FAM78B: variants seen among roughly 807,000 people sequenced by gnomAD.
FAM78B encodes the protein protein FAM78B.
In FAM78B, 10 loss-of-function variants were observed where a neutral mutation model predicts 20.0. That is an observed-to-expected ratio of 0.50 (90% CI 0.31 to 0.85). The LOEUF (loss-of-function observed/expected upper bound fraction) is 0.85, where lower values mean the gene tolerates loss of function less well. Among genes scored for constraint, FAM78B ranks in the 40% least tolerant of loss-of-function variants. The pLI is 0.05. For synonymous variants in FAM78B, 135 were observed against 132.8 expected (o/e 1.02, Z -0.12); for missense variants, 283 against 345.0 (o/e 0.82, Z 1.42).
At chr1:166,124,919 C>T (rs559133032) in intron 1 of FAM78B, among the ~76,000 whole-genome samples, 1 of 152,238 alleles carries the variant, frequency 6.6e-6, no homozygotes, top group Non-Finnish European at 1.5e-5. Flanking sequence ...ACACAGACAC[C>T]CAGCAAGCTG....
At chr1:166,085,492 T>A (rs1387332981) in intron 1 of FAM78B, among the ~76,000 whole-genome samples, 1 of 152,206 alleles carries the variant, frequency 6.6e-6, no homozygotes, top group African/African-American at 2.4e-5. Context: ...GAACAAATGT[T>A]CAAGGTCAAG....
At chr1:166,058,241 G>A (rs1350064999) in exon 3 of FAM78B, 1 of 152,152 alleles carries the variant, frequency 6.6e-6, no homozygotes, top group Non-Finnish European at 1.5e-5. Context: ...ATGTCACCTG[G>A]GAAGGGTAAC....
intron 1 of FAM78B, among the ~76,000 whole-genome samples, chr1:166,139,751 C>T (rs1655208411): frequency 6.6e-6 from 1 of 152,220 alleles, no homozygotes; most frequent in Non-Finnish European, 1.5e-5. Flanking sequence ...GGCTGTTCTT[C>T]CTGTGGACAC....
chr1:166,113,449 G>A (rs1156887074), intron 1 of FAM78B, among the ~76,000 whole-genome samples: 2 of 152,224 alleles, frequency 1.3e-5, no homozygotes, highest in South Asian at 2.1e-4. Flanking sequence ...GAGACAGCAC[G>A]TGTGAAAGCC....
chr1:166,089,481 C>T (rs928887886), intron 1 of FAM78B, among the ~76,000 whole-genome samples: 4 of 151,978 alleles, frequency 2.6e-5, no homozygotes, highest in Middle Eastern at 3.4e-3. Context: ...AGAGGTACCA[C>T]GGTGGGCAGC....
intron 1 of FAM78B, chr1:166,164,986 T>G (rs1656304975): frequency 6.6e-6 from 1 of 152,104 alleles, no homozygotes; most frequent in Non-Finnish European, 1.5e-5. Flanking sequence ...AGGAGGCGGG[T>G]GCGGAGTTAT....
At chr1:166,158,507 A>G (rs1053624298) in intron 1 of FAM78B, among the ~76,000 whole-genome samples, 1 of 152,204 alleles carries the variant, frequency 6.6e-6, no homozygotes. Context: ...GAGGCCATGC[A>G]TGGAAAGCAC....
rs140019190 is a variant in FAM78B, at chr1:166,094,599, G to T, written c.264-23836C>A. Reference sequence around the variant, plus strand: ...CTTCCAACAGTCTGCAATTTTCTTAGAAGACTGATAATGCAGGAGTGCCCT... The same window carrying T: ...CTTCCAACAGTCTGCAATTTTCTTATAAGACTGATAATGCAGGAGTGCCCT... On this transcript the variant is annotated intron_variant, in intron 1 of 1. Transcript: ENST00000354422. Among the ~76,000 whole-genome samples the T allele has an allele frequency of 1.8e-3, 272 of 152,346 alleles. No homozygotes were observed. In the South Asian group the frequency reaches 0.02, roughly 11 times the overall value.
At chr1:166,131,694 T>C (rs983148634) in intron 1 of FAM78B, among the ~76,000 whole-genome samples, 1 of 152,126 alleles carries the variant, frequency 6.6e-6, no homozygotes, top group Non-Finnish European at 1.5e-5. Context: ...AAGTTCCATG[T>C]CATTGGGGTT....
intron 1 of FAM78B, chr1:166,164,697 G>A (rs1465109959): frequency 2.0e-5 from 3 of 152,172 alleles, no homozygotes; most frequent in Non-Finnish European, 2.9e-5. Flanking sequence ...CTCTCAGAGT[G>A]CAATAAAAAG....
At chr1:166,095,360 T>C (rs1266482557) in intron 1 of FAM78B, among the ~76,000 whole-genome samples, 1 of 152,004 alleles carries the variant, frequency 6.6e-6, no homozygotes, top group Non-Finnish European at 1.5e-5. Context: ...CTGAACAGTC[T>C]GGACAGGTTT....
downstream of FAM78B, among the ~76,000 whole-genome samples, chr1:166,056,381 A>G (rs183582486): frequency 6.6e-6 from 1 of 152,266 alleles, no homozygotes; most frequent in African/African-American, 2.4e-5. Flanking sequence ...AGGGTCATAT[A>G]TCTTGTGGAA....
intron 1 of FAM78B, among the ~76,000 whole-genome samples, chr1:166,084,952 C>G (rs1266516327): frequency 6.6e-6 from 1 of 152,210 alleles, no homozygotes; most frequent in Non-Finnish European, 1.5e-5. Flanking sequence ...ACACCTAATG[C>G]CTTTCTTCTT....
At chr1:166,160,259 G>C (rs566204055) in intron 1 of FAM78B, among the ~76,000 whole-genome samples, 55 of 152,366 alleles carry the variant, frequency 3.6e-4, no homozygotes, top group African/African-American at 1.3e-3. Flanking sequence ...AAAAAGGGGA[G>C]CTCTAGCTTG....
Position 166,109,824 on chromosome 1 carries a change from ATATATATGTATATATG to A in FAM78B, c.264-39077_264-39062del, listed in dbSNP as rs1218258300. On this transcript the variant is annotated intron_variant, in intron 1 of 1. Coordinates refer to ENST00000354422, the MANE Select transcript of FAM78B (RefSeq NM_001017961.5). The stretch of plus-strand genomic sequence containing the variant: ...TATATATGTATATATGTATATATAT[ATATATATGTATATATG>A]TATATATATATATATATATATGTAT... Among the ~76,000 whole-genome samples, 76 of 19,970 alleles carry A rather than the reference ATATATATGTATATATG, an allele frequency of 3.8e-3. 10 individuals are homozygous for A. The highest frequency in any genetic ancestry group is 0.015 in the African/African-American group (74 of 5,082). 13.1% of individuals were successfully genotyped at this position (19,970 alleles called of 152,430 possible). A position where few individuals can be genotyped will look rare whatever the true frequency, so the allele number is the denominator to read the frequency against.
At chr1:166,097,780 T>TG (rs1179173784) in intron 1 of FAM78B, among the ~76,000 whole-genome samples, 6 of 150,892 alleles carry the variant, frequency 4.0e-5, no homozygotes, top group African/African-American at 1.5e-4. Flanking sequence ...CCCCACCTGA[T>TG]GGTCCTTCCC....
chr1:166,104,358 A>G (rs1050913702), intron 1 of FAM78B, among the ~76,000 whole-genome samples: 7 of 152,190 alleles, frequency 4.6e-5, no homozygotes, highest in African/African-American at 1.7e-4. Context: ...GGCCAGGGCA[A>G]TCAGGCAGGA....
At chr1:166,113,186 T>TTTG (rs1267121268) in intron 1 of FAM78B, among the ~76,000 whole-genome samples, 2 of 152,210 alleles carry the variant, frequency 1.3e-5, no homozygotes, top group African/African-American at 4.8e-5. Flanking sequence ...CTGGACCAGG[T>TTTG]TTGTTGGCCT....
intron 1 of FAM78B, chr1:166,154,698 A>T (rs749873065): frequency 1.9e-6 from 1 of 528,588 alleles, no homozygotes; most frequent in Non-Finnish European, 3.9e-6. Context: ...GCTGCTTTGA[A>T]GACTAGGTGT....
Sources: allele counts gnomAD v4.1 joint callset (sites outside exome capture counted in the v4.1 genomes callset), GRCh38; gene constraint gnomAD v4.1.1; transcripts MANE v1.5; gene names NCBI Gene and HGNC (gene_info 2026-07-23, HGNC 2026-07-21).